The following ANKRD17 variants were observed in gnomAD, a reference collection of about 807,000 sequenced individuals.
ANKRD17 encodes the protein ankyrin repeat domain 17, also known as ankyrin repeat domain-containing protein 17.
A neutral mutation model predicts 229.7 loss-of-function variants in ANKRD17; 19 were observed. The ratio of observed to expected loss-of-function variants is 0.08; its 90% CI spans 0.06 to 0.12. The LOEUF (loss-of-function observed/expected upper bound fraction) is 0.12, where lower values mean the gene tolerates loss of function less well. Among genes scored for constraint, ANKRD17 ranks in the 10% least tolerant of loss-of-function variants. The pLI is 1.00. For synonymous variants in ANKRD17, 1,112 were observed against 1,146.1 expected (o/e 0.97, Z 0.60); for missense variants, 2,176 against 3,176.8 (o/e 0.68, Z 7.57).
chr4:73,127,085 T>G (rs892865149), intron 16 of ANKRD17, among the ~76,000 whole-genome samples: 16 of 152,218 alleles, frequency 1.1e-4, no homozygotes, highest in African/African-American at 3.6e-4. Context: ...ACTTTTCGAC[T>G]GCACATTTAA....
intron 29 of ANKRD17, among the ~76,000 whole-genome samples, chr4:73,088,112 A>AT (rs1452976924): frequency 6.6e-6 from 1 of 152,198 alleles, no homozygotes; most frequent in Non-Finnish European, 1.5e-5. Flanking sequence ...TCTTTATGTG[A>AT]CTTAAATAAC....
Position 73,140,215 on chromosome 4 carries a change from T to G in ANKRD17, c.2401A>C (p.Asn801His). The G allele has an allele frequency of 6.2e-7, 1 of 1,613,744 alleles. No individual in the cohort carries two copies. Among genetic ancestry groups the G allele is most frequent in the Non-Finnish European group, 8.5e-7 (1 of 1,179,954 alleles). The change falls in exon 15 of 34, where the codon AAT becomes CAT. Residue 801 changes from asparagine to histidine, a missense_variant. Transcript: ENST00000358602. ...NSQDVQGYIT[N>H]QSPESIVEEA... ...TCTACAATGCTCTCTGGAGACTGATTGGTGATGTAACCCTGTACATCCTGG... is the reference window on the plus strand; with the variant it reads ...TCTACAATGCTCTCTGGAGACTGATGGGTGATGTAACCCTGTACATCCTGG...
At chr4:73,179,464 A>G (rs1410846776) in intron 1 of ANKRD17, among the ~76,000 whole-genome samples, 2 of 91,928 alleles carry the variant, frequency 2.2e-5, no homozygotes, top group South Asian at 3.4e-4. Flanking sequence ...ATATATGTAT[A>G]TATGTGTGTG....
chr4:73,203,317 A>C (rs1738925431), intron 1 of ANKRD17, among the ~76,000 whole-genome samples: 2 of 152,166 alleles, frequency 1.3e-5, no homozygotes, highest in South Asian at 4.1e-4. Context: ...AAATTATAAT[A>C]ACAAATGGCA....
At chr4:73,200,406 G>A (rs140989587) in intron 1 of ANKRD17, among the ~76,000 whole-genome samples, 1 of 152,174 alleles carries the variant, frequency 6.6e-6, no homozygotes, top group East Asian at 1.9e-4. Flanking sequence ...AGACGAGCCT[G>A]AGTAACATAG....
Position 73,092,052 on chromosome 4 carries a change from G to A in ANKRD17, c.5576C>T (p.Ser1859Phe). The A allele has an allele frequency of 6.2e-7, 1 of 1,614,230 alleles. No homozygotes were observed. Among genetic ancestry groups the A allele is most frequent in the Non-Finnish European group, 8.5e-7 (1 of 1,180,040 alleles). ...CTTAATGGTTTTGTGAGTGGATGCA[G>A]AAGAAATTGCAGGCACAGTGAGTGC... is the stretch of plus-strand genomic sequence containing the variant. The part of the protein sequence containing the change: ...ATALTVPAIS[S>F]ASTHKTIKNP... Residue 1859 changes from serine to phenylalanine, a missense_variant, in exon 29 of 34, where the codon TCT becomes TTT. Ser to Phe is a radical substitution (Grantham distance 155). Coordinates refer to ENST00000358602, the MANE Select transcript of ANKRD17 (RefSeq NM_032217.5).
At chr4:73,208,922 ACAAAATAGGCT>A (rs928469282) in intron 1 of ANKRD17, among the ~76,000 whole-genome samples, 1 of 152,172 alleles carries the variant, frequency 6.6e-6, no homozygotes, top group African/African-American at 2.4e-5. Context: ...CAAAAAATGA[ACAAAATAGGCT>A]GGGCGCGGTG....
intron 1 of ANKRD17, among the ~76,000 whole-genome samples, chr4:73,220,910 G>A (rs1449894828): frequency 6.6e-6 from 1 of 152,084 alleles, no homozygotes; most frequent in East Asian, 1.9e-4. Context: ...CCTGTGGGGG[G>A]TAGAGGGCTA....
chr4:73,137,144 A>G (rs141023028), intron 15 of ANKRD17, among the ~76,000 whole-genome samples: 22 of 152,260 alleles, frequency 1.4e-4, no homozygotes, highest in African/African-American at 4.3e-4. Context: ...TACAACTAAA[A>G]GAAACAAATG....
At position 73,148,417 on chromosome 4, in the gene ANKRD17, C is replaced by T. The variant is rs532237665; in HGVS notation, c.1567+396G>A. ...ACTCTCAGCAAGTTAGTCTTTACTGCGTGGTTTCCCATACTGTTTTTTAAA... is the reference window on the plus strand; with the variant it reads ...ACTCTCAGCAAGTTAGTCTTTACTGTGTGGTTTCCCATACTGTTTTTTAAA... On this transcript the variant is annotated intron_variant, in intron 8 of 33. Coordinates refer to ENST00000358602, the MANE Select transcript of ANKRD17 (RefSeq NM_032217.5). Among the ~76,000 whole-genome samples the T allele has an allele frequency of 4.7e-4, 71 of 152,270 alleles. 1 individual carries two copies. The South Asian group carries it at 0.011, about 23-fold the overall frequency.
At chr4:73,210,318 G>C (rs989163303) in intron 1 of ANKRD17, among the ~76,000 whole-genome samples, 2 of 151,892 alleles carry the variant, frequency 1.3e-5, no homozygotes, top group African/African-American at 4.8e-5. Flanking sequence ...AAAATAAAAA[G>C]AATTAGCAGT....
chr4:73,239,475 A>G (rs1485083749), intron 1 of ANKRD17, among the ~76,000 whole-genome samples: 1 of 152,244 alleles, frequency 6.6e-6, no homozygotes, highest in African/African-American at 2.4e-5. Flanking sequence ...AGATAACTAT[A>G]TGTGTATTAA....
chr4:73,205,831 T>C (rs971172810), intron 1 of ANKRD17, among the ~76,000 whole-genome samples: 1 of 152,156 alleles, frequency 6.6e-6, no homozygotes, highest in African/African-American at 2.4e-5. Flanking sequence ...AAAATATTTT[T>C]AAACATATAT....
At chr4:73,172,846 C>T (rs936152974) in intron 2 of ANKRD17, among the ~76,000 whole-genome samples, 1 of 152,072 alleles carries the variant, frequency 6.6e-6, no homozygotes, top group African/African-American at 2.4e-5. Flanking sequence ...GAAATTAAAA[C>T]ATATCACCAG....
intron 30 of ANKRD17, among the ~76,000 whole-genome samples, chr4:73,082,788 T>G (rs897610440): frequency 5.9e-5 from 9 of 152,102 alleles, no homozygotes; most frequent in African/African-American, 2.2e-4. Flanking sequence ...ACTAAAGAGA[T>G]ATGGGAATTA....
chr4:73,195,748 C>A (rs937009736), intron 1 of ANKRD17, among the ~76,000 whole-genome samples: 5 of 152,180 alleles, frequency 3.3e-5, no homozygotes, highest in Non-Finnish European at 7.4e-5. Context: ...ACCTCGTGAT[C>A]TGCCCACCTT....
chr4:73,086,145 A>T (rs1429789976), intron 29 of ANKRD17, among the ~76,000 whole-genome samples: 8 of 152,218 alleles, frequency 5.3e-5, no homozygotes, highest in Admixed American at 5.2e-4. Flanking sequence ...GTTAAAAAGG[A>T]TCATTAGTTT....
chr4:73,176,408 A>G (rs1014498773), intron 2 of ANKRD17, among the ~76,000 whole-genome samples: 1 of 152,156 alleles, frequency 6.6e-6, no homozygotes, highest in Non-Finnish European at 1.5e-5. Flanking sequence ...TCCCAAAAGT[A>G]AAAATAGAGC....
intron 2 of ANKRD17, among the ~76,000 whole-genome samples, chr4:73,172,727 GTGT>G (rs1734204422): frequency 6.6e-6 from 1 of 151,900 alleles, no homozygotes; most frequent in South Asian, 2.1e-4. Context: ...TATGGAAGTG[GTGT>G]TAAGCTGTTA....
Sources: allele counts gnomAD v4.1 joint callset (sites outside exome capture counted in the v4.1 genomes callset), GRCh38; gene constraint gnomAD v4.1.1; transcripts MANE v1.5; gene names NCBI Gene and HGNC (gene_info 2026-07-23, HGNC 2026-07-21).